Variants in SNCAIP observed in about 807,000 individuals in gnomAD.
SNCAIP encodes the protein synuclein alpha interacting protein.
In SNCAIP, 43 loss-of-function variants were observed where a neutral mutation model predicts 86.7. The observed-to-expected ratio is 0.50, with a 90% CI of 0.39 to 0.64. SNCAIP has a LOEUF of 0.64. SNCAIP is among the 30% of genes least tolerant of loss of function. The probability of loss-of-function intolerance (pLI) is 0.00; values close to 1 mark genes in which losing one functional copy is unlikely to be tolerated. For missense variants in SNCAIP, 981 were observed against 1,103.1 expected (o/e 0.89, Z 1.57); for synonymous variants, 417 against 427.2 (o/e 0.98, Z 0.29).
At chr5:122,371,308 GA>G (rs61587530) in intron 1 of SNCAIP, 396 of 131,218 alleles carry the variant, frequency 3.0e-3, no homozygotes, top group South Asian at 7.1e-3. Context: ...CCTTATCTCA[GA>G]AAAAAAAAAA....
At chr5:122,461,668 TG>T (rs1379582047) in intron 10 of SNCAIP, among the ~76,000 whole-genome samples, 5 of 129,856 alleles carry the variant, frequency 3.9e-5, no homozygotes, top group Non-Finnish European at 6.8e-5. Context: ...TTTTTATAGC[TG>T]TTTTTTTTTT....
At chr5:122,428,247 T>C (rs779607583) in intron 5 of SNCAIP, among the ~76,000 whole-genome samples, 2 of 152,228 alleles carry the variant, frequency 1.3e-5, no homozygotes, top group Non-Finnish European at 2.9e-5. Flanking sequence ...ACCCCCTTGC[T>C]GTATGTTAAA....
rs868684758 is a variant in SNCAIP, at chr5:122,378,465, G to C, written c.-46-12624G>C. On this transcript the variant is annotated intron_variant, in intron 1 of 10. Transcript: ENST00000261368. Reference sequence around the variant, plus strand: ...GCCCTTTGTCAGATGAGTAGGTTGTGAAAATTTTCTCTCATTTTGTAGGTT... The same window carrying C: ...GCCCTTTGTCAGATGAGTAGGTTGTCAAAATTTTCTCTCATTTTGTAGGTT... Among the ~76,000 whole-genome samples the C allele has an allele frequency of 5.0e-5, 7 of 140,450 alleles. 1 individual carries two copies. Among genetic ancestry groups the C allele is most frequent in the Non-Finnish European group, 1.1e-4 (7 of 64,376 alleles). The allele number at this position is 140,450 out of a possible 152,430, so 92.1% of individuals were successfully genotyped here.
intron 7 of SNCAIP, among the ~76,000 whole-genome samples, chr5:122,441,781 A>G (rs1335620864): frequency 2.0e-5 from 3 of 152,228 alleles, no homozygotes; most frequent in African/African-American, 7.2e-5. Context: ...AAGGAGGAGT[A>G]GCAGATGGAA....
In SNCAIP at chr5:122,396,424, C is replaced by T. The variant is rs539727920; in HGVS notation, c.57+5233C>T. Reference sequence around the variant, plus strand: ...GTGGTTTCTAAGAAGAATGAGCAACCGCTGGATTTTTTTAAATTTTCCCTT... The same window carrying T: ...GTGGTTTCTAAGAAGAATGAGCAACTGCTGGATTTTTTTAAATTTTCCCTT... On this transcript the variant is annotated intron_variant, in intron 2 of 10. Transcript: ENST00000261368. Among the ~76,000 whole-genome samples the T allele has an allele frequency of 5.9e-5, 9 of 152,152 alleles. No homozygotes were observed. In the South Asian group the frequency reaches 8.3e-4, roughly 14 times the overall value.
chr5:122,393,235 A>G (rs1398962048), intron 2 of SNCAIP, among the ~76,000 whole-genome samples: 2 of 152,186 alleles, frequency 1.3e-5, no homozygotes, highest in Non-Finnish European at 2.9e-5. Flanking sequence ...GAAATTGCAT[A>G]GATTTGAAAT....
chr5:122,328,443 T>G (rs1293749677), intron 1 of SNCAIP, among the ~76,000 whole-genome samples: 1 of 152,202 alleles, frequency 6.6e-6, no homozygotes, highest in Non-Finnish European at 1.5e-5. Context: ...TTTCAAAAAA[T>G]TATCCATAAA....
intron 1 of SNCAIP, among the ~76,000 whole-genome samples, chr5:122,386,499 G>A (rs1451172802): frequency 6.6e-6 from 1 of 152,196 alleles, no homozygotes; most frequent in Non-Finnish European, 1.5e-5. Context: ...AAAACTCTGT[G>A]AGAGTAGGAA....
At chr5:122,366,762 G>A (rs569188265) in intron 1 of SNCAIP, among the ~76,000 whole-genome samples, 19 of 152,258 alleles carry the variant, frequency 1.2e-4, no homozygotes, top group African/African-American at 4.1e-4. Context: ...GTGACTTAAC[G>A]GAGTTGCGGC....
At chr5:122,385,417 C>T (rs983892600) in intron 1 of SNCAIP, among the ~76,000 whole-genome samples, 5 of 152,174 alleles carry the variant, frequency 3.3e-5, no homozygotes, top group Non-Finnish European at 5.9e-5. Context: ...GAGGCATTTA[C>T]TGACTGCCAT....
At chr5:122,311,937 G>C (rs1004430103), upstream of SNCAIP, 10 of 149,664 alleles carry the variant, frequency 6.7e-5, no homozygotes, top group Non-Finnish European at 1.0e-4. Context: ...CCTGGGGGCG[G>C]CCGCAGGGGC....
intron 2 of SNCAIP, chr5:122,401,037 G>A (rs1171124341): frequency 5.2e-6 from 8 of 1,550,178 alleles, no homozygotes; most frequent in Non-Finnish European, 7.0e-6. Context: ...GGAGGACACA[G>A]ACAGGGAAGA....
chr5:122,332,083 A>G (rs776820227), intron 1 of SNCAIP, among the ~76,000 whole-genome samples: 1 of 152,260 alleles, frequency 6.6e-6, no homozygotes, highest in Non-Finnish European at 1.5e-5. Flanking sequence ...GACTGAAAAC[A>G]CATAAAAAAC....
chr5:122,320,281 C>T (rs1752646283), intron 1 of SNCAIP, among the ~76,000 whole-genome samples: 1 of 152,156 alleles, frequency 6.6e-6, no homozygotes, highest in Non-Finnish European at 1.5e-5. Flanking sequence ...GTACAGTTTG[C>T]ACACTTGGAA....
At chr5:122,445,515 A>G (rs1415060425) in intron 8 of SNCAIP, among the ~76,000 whole-genome samples, 1 of 152,092 alleles carries the variant, frequency 6.6e-6, no homozygotes, top group African/African-American at 2.4e-5. Flanking sequence ...AAGCTCACCC[A>G]TTAAATACAG....
chr5:122,333,286 G>A (rs770974971), intron 1 of SNCAIP, among the ~76,000 whole-genome samples: 6 of 152,254 alleles, frequency 3.9e-5, no homozygotes, highest in African/African-American at 7.2e-5. Flanking sequence ...ACCATAATGC[G>A]TACCATTCAA....
intron 2 of SNCAIP, among the ~76,000 whole-genome samples, chr5:122,393,529 A>T (rs1358367617): frequency 1.3e-5 from 2 of 152,158 alleles, no homozygotes; most frequent in South Asian, 2.1e-4. Flanking sequence ...AGTGGTTCAC[A>T]TCAGGGGCAA....
intron 3 of SNCAIP, among the ~76,000 whole-genome samples, chr5:122,420,616 C>T (rs1462486899): frequency 2.6e-5 from 4 of 151,396 alleles, no homozygotes; most frequent in Non-Finnish European, 5.9e-5. Context: ...AAAGCCTTGC[C>T]GAAAGTTGAT....
In SNCAIP at chr5:122,423,571, C is replaced by T. The variant is rs1339569247; in HGVS notation, c.834C>T (p.Cys278=). 10 of 1,614,052 alleles carry T rather than the reference C, an allele frequency of 6.2e-6. No individual in the cohort carries two copies. The highest frequency in any genetic ancestry group is 2.7e-5 in the African/African-American group (2 of 74,940). Residue 278 remains cysteine (C), a synonymous_variant, in exon 4 of 11, where the codon TGC becomes TGT. Transcript: ENST00000261368. Reference sequence around the variant, plus strand: ...AAGTTGAGAAGACAACACCAGACTGCCAGCTCAGGGCCTTCCACCTACAAT... The same window carrying T: ...AAGTTGAGAAGACAACACCAGACTGTCAGCTCAGGGCCTTCCACCTACAAT... ...GRKVEKTTPD[C]QLRAFHLQSS...
Sources: allele counts gnomAD v4.1 joint callset (sites outside exome capture counted in the v4.1 genomes callset), GRCh38; gene constraint gnomAD v4.1.1; transcripts MANE v1.5; gene names NCBI Gene and HGNC (gene_info 2026-07-23, HGNC 2026-07-21).